The following RGS21 variants were observed in gnomAD, a reference collection of about 807,000 sequenced individuals.
RGS21 encodes regulator of G protein signaling 21, also known as regulator of G-protein signalling 21.
A neutral mutation model predicts 18.7 loss-of-function variants in RGS21; 19 were observed. The ratio of observed to expected loss-of-function variants is 1.01; its 90% CI spans 0.71 to 1.49. The LOEUF is 1.49. Among genes scored for constraint, RGS21 ranks in the 40% most tolerant of loss-of-function variants. The probability of loss-of-function intolerance (pLI) is 0.00; values close to 1 mark genes in which losing one functional copy is unlikely to be tolerated. For missense variants in RGS21, 194 were observed against 176.8 expected, an observed-to-expected ratio of 1.10 and a Z score of -0.55; for synonymous variants, 56 against 57.8, an observed-to-expected ratio of 0.97 and a Z score of 0.14.
At chr1:192,336,962 A>G (rs754300533) in intron 1 of RGS21, among the ~76,000 whole-genome samples, 30 of 152,164 alleles carry the variant, frequency 2.0e-4, no homozygotes, top group African/African-American at 6.8e-4. Flanking sequence ...GAAGTTATTC[A>G]TAGTTGAAAT....
intron 4 of RGS21, among the ~76,000 whole-genome samples, chr1:192,357,454 G>A (rs779393900): frequency 7.4e-4 from 112 of 151,960 alleles, no homozygotes; most frequent in Non-Finnish European, 9.1e-4. Flanking sequence ...GAGAAAAGGA[G>A]AGCTAAAGAA....
At position 192,338,665 on chromosome 1, in the gene RGS21, T is replaced by C. The variant is rs563613702; in HGVS notation, c.-60-4312T>C. ...CTTCTTTCCAAAAGTCTGTGAACAG[T>C]GTTTTTAAAGGAAATTCCATGCCAC... On this transcript the variant is annotated intron_variant, in intron 1 of 4. Transcript: ENST00000417209. Among the ~76,000 whole-genome samples, 9 of 152,222 alleles carry C rather than the reference T, an allele frequency of 5.9e-5. No homozygotes were observed. In the East Asian group the frequency reaches 1.7e-3, roughly 29 times the overall value.
intron 1 of RGS21, among the ~76,000 whole-genome samples, chr1:192,327,598 G>A (rs1223783443): frequency 3.3e-5 from 5 of 151,792 alleles, no homozygotes; most frequent in Non-Finnish European, 4.4e-5. Flanking sequence ...TCAGCCTCCC[G>A]AGTAGCTGGG....
chr1:192,357,704 G>T (rs1361670810), intron 4 of RGS21, among the ~76,000 whole-genome samples: 2 of 151,816 alleles, frequency 1.3e-5, no homozygotes, highest in Non-Finnish European at 2.9e-5. Context: ...GACATAGCCT[G>T]GGATACTTGA....
intron 2 of RGS21, among the ~76,000 whole-genome samples, chr1:192,343,683 A>G (rs1360396278): frequency 2.0e-5 from 3 of 152,140 alleles, no homozygotes; most frequent in Non-Finnish European, 4.4e-5. Flanking sequence ...AAATCAGCCA[A>G]AACCGCATGA....
intron 2 of RGS21, among the ~76,000 whole-genome samples, chr1:192,345,040 T>G (rs1658926873): frequency 1.3e-5 from 2 of 152,124 alleles, no homozygotes; most frequent in African/African-American, 4.8e-5. Flanking sequence ...TTCTACACCA[T>G]CTCCCACACT....
At chr1:192,319,367 G>C (rs1658464220) in intron 1 of RGS21, among the ~76,000 whole-genome samples, 1 of 152,000 alleles carries the variant, frequency 6.6e-6, no homozygotes, top group South Asian at 2.1e-4. Context: ...CAATCTATAT[G>C]TATGTGTGTA....
chr1:192,363,116 T>C (rs1340488932), intron 4 of RGS21, among the ~76,000 whole-genome samples: 1 of 152,084 alleles, frequency 6.6e-6, no homozygotes, highest in African/African-American at 2.4e-5. Flanking sequence ...GAAATGTAAG[T>C]GGAATTGTCT....
intron 1 of RGS21, among the ~76,000 whole-genome samples, chr1:192,335,972 A>G (rs1410637061): frequency 1.3e-5 from 2 of 152,174 alleles, no homozygotes; most frequent in African/African-American, 4.8e-5. Context: ...CAACAAAAAA[A>G]TTTTTTAGTT....
chr1:192,320,142 G>A (rs1315178150), intron 1 of RGS21, among the ~76,000 whole-genome samples: 4 of 152,028 alleles, frequency 2.6e-5, no homozygotes, highest in East Asian at 3.9e-4. Flanking sequence ...TCAGAGAATC[G>A]AGGGTGGGAG....
At chr1:192,344,414 G>C (rs1658917544) in intron 2 of RGS21, among the ~76,000 whole-genome samples, 1 of 151,968 alleles carries the variant, frequency 6.6e-6, no homozygotes, top group Non-Finnish European at 1.5e-5. Context: ...CTACTTATTT[G>C]TATCTCTGAC....
At chr1:192,347,509 A>G (rs1658970411) in intron 3 of RGS21, 120 bp downstream of exon 3, 1 of 555,258 alleles carries the variant, frequency 1.8e-6, no homozygotes, top group Non-Finnish European at 3.2e-6. Flanking sequence ...AATTATTAAT[A>G]ATCATAAATT....
intron 1 of RGS21, among the ~76,000 whole-genome samples, chr1:192,328,075 T>C (rs896756004): frequency 1.3e-5 from 2 of 152,156 alleles, no homozygotes; most frequent in African/African-American, 4.8e-5. Flanking sequence ...CAATATCCCA[T>C]AGGCAAAATG....
In RGS21 at chr1:192,333,628, C is replaced by CAAAAAAAAAA. The variant is rs376989840; in HGVS notation, c.-60-9330_-60-9321dup. On this transcript the variant is annotated intron_variant, in intron 1 of 4. Transcript: ENST00000417209. ...TATTTTTATAATATTCTCAAAATGACAAAAAAAAAAAAAAAAAAAAAAAAA... is the reference window on the plus strand; with the variant it reads ...TATTTTTATAATATTCTCAAAATGACAAAAAAAAAAAAAAAAAAAAAAAAAAAAAAAAAAA... 5.9e-5 allele frequency among the ~76,000 whole-genome samples: 6 copies of CAAAAAAAAAA among 102,402 alleles called. 1 individual carries two copies. Among genetic ancestry groups the CAAAAAAAAAA allele is most frequent in the East Asian group, 3.7e-4 (1 of 2,680 alleles). The allele number at this position is 102,402 out of a possible 152,430, so 67.2% of individuals were successfully genotyped here.
chr1:192,330,244 T>C (rs1458826346), intron 1 of RGS21, among the ~76,000 whole-genome samples: 2 of 152,226 alleles, frequency 1.3e-5, no homozygotes, highest in African/African-American at 4.8e-5. Context: ...TTTCCAGTTC[T>C]GTGGATCAGA....
chr1:192,321,816 T>A (rs1377457181), intron 1 of RGS21, among the ~76,000 whole-genome samples: 1 of 152,050 alleles, frequency 6.6e-6, no homozygotes, highest in Non-Finnish European at 1.5e-5. Context: ...TTATTTTTAA[T>A]ACTTGAAATA....
intron 1 of RGS21, among the ~76,000 whole-genome samples, chr1:192,327,330 C>T (rs1338153427): frequency 6.6e-6 from 1 of 152,034 alleles, no homozygotes; most frequent in Non-Finnish European, 1.5e-5. Context: ...ACAAAATATT[C>T]TAGCAACGAG....
In RGS21 at chr1:192,338,971, C is replaced by T. The variant is rs550811222; in HGVS notation, c.-60-4006C>T. Among the ~76,000 whole-genome samples the T allele has an allele frequency of 2.0e-5, 3 of 152,134 alleles. No homozygotes were observed. In the South Asian group the frequency reaches 6.2e-4, roughly 32 times the overall value. Reference sequence around the variant, plus strand: ...TTAGCCCTTCCCCTTTCTAGTTATGCAACCCTAAGCAAGATATTTAGCCTC... The same window carrying T: ...TTAGCCCTTCCCCTTTCTAGTTATGTAACCCTAAGCAAGATATTTAGCCTC... On this transcript the variant is annotated intron_variant, in intron 1 of 4. Transcript: ENST00000417209.
chr1:192,345,384 T>C (rs1182458248), intron 2 of RGS21, among the ~76,000 whole-genome samples: 2 of 152,088 alleles, frequency 1.3e-5, no homozygotes, highest in Non-Finnish European at 2.9e-5. Flanking sequence ...CACTTTTCAA[T>C]ACTTTTTATC....
Sources: allele counts gnomAD v4.1 joint callset (sites outside exome capture counted in the v4.1 genomes callset), GRCh38; gene constraint gnomAD v4.1.1; transcripts MANE v1.5; gene names NCBI Gene and HGNC (gene_info 2026-07-23, HGNC 2026-07-21).